Variants in PTPRT observed in about 807,000 individuals in gnomAD.
PTPRT encodes the protein protein tyrosine phosphatase receptor type T.
PTPRT carries 56 observed loss-of-function variants against 176.8 expected under a neutral mutation model. The observed-to-expected ratio is 0.32, with a 90% confidence interval of 0.26 to 0.40. The LOEUF is 0.40. PTPRT is among the 10% of genes least tolerant of loss of function. The probability of loss-of-function intolerance (pLI) is 1.00; values close to 1 mark genes in which losing one functional copy is unlikely to be tolerated. For synonymous variants in PTPRT, 783 were observed against 739.0 expected, an observed-to-expected ratio of 1.06 and a Z score of -0.96; for missense variants, 1,540 against 1,908.2, an observed-to-expected ratio of 0.81 and a Z score of 3.60.
chr20:42,308,578 A>C (rs2057580568), intron 12 of PTPRT, among the ~76,000 whole-genome samples: 1 of 152,208 alleles, frequency 6.6e-6, no homozygotes, highest in African/African-American at 2.4e-5. Context: ...CAAATAGTCC[A>C]ACTGTAATGC....
intron 1 of PTPRT, among the ~76,000 whole-genome samples, chr20:42,978,796 T>A (rs1983109507): frequency 6.6e-6 from 1 of 152,200 alleles, no homozygotes; most frequent in African/African-American, 2.4e-5. Context: ...ACGAATGCCA[T>A]GGCAACGTCA....
intron 13 of PTPRT, among the ~76,000 whole-genome samples, chr20:42,267,672 G>C (rs537343673): frequency 6.6e-6 from 1 of 152,216 alleles, no homozygotes; most frequent in African/African-American, 2.4e-5. Flanking sequence ...TTGTTGCTAA[G>C]CATCCTACAG....
chr20:42,608,286 C>G (rs1198061593), intron 7 of PTPRT, among the ~76,000 whole-genome samples: 1 of 152,182 alleles, frequency 6.6e-6, no homozygotes, highest in Non-Finnish European at 1.5e-5. Flanking sequence ...TGATGCCACT[C>G]TATAAAGAGG....
rs926971322 is a variant in PTPRT at position 42,530,695 on chromosome 20, G to C, written c.1154-58133C>G. On this transcript the variant is annotated intron_variant, in intron 7 of 30. Transcript: ENST00000373187. The stretch of plus-strand genomic sequence containing the variant: ...AGGCTTCTTTCTGATCCGGTGGTTT[G>C]TCCCACCATCATCACCCCAGGCTGT... Among the ~76,000 whole-genome samples, 41 of 152,162 alleles carry C rather than the reference G, an allele frequency of 2.7e-4. 1 individual carries two copies. The highest frequency in any genetic ancestry group is 9.7e-4 in the African/African-American group (40 of 41,416).
chr20:42,795,545 C>T (rs762594618), intron 2 of PTPRT, among the ~76,000 whole-genome samples: 9 of 152,158 alleles, frequency 5.9e-5, no homozygotes, highest in Admixed American at 3.3e-4. Flanking sequence ...TGAGTGTGCT[C>T]GGGCGACTGG....
At chr20:42,902,470 G>T (rs553469670) in intron 1 of PTPRT, among the ~76,000 whole-genome samples, 1 of 152,302 alleles carries the variant, frequency 6.6e-6, no homozygotes, top group African/African-American at 2.4e-5. Context: ...CCTTGGCCCA[G>T]TGAGGATCAG....
At chr20:42,518,113 T>C (rs2072102951) in intron 7 of PTPRT, among the ~76,000 whole-genome samples, 1 of 152,052 alleles carries the variant, frequency 6.6e-6, no homozygotes. Context: ...GTTAATACTG[T>C]CATACTCAGT....
intron 27 of PTPRT, among the ~76,000 whole-genome samples, chr20:42,092,383 G>A (rs1266408893): frequency 6.6e-6 from 1 of 152,212 alleles, no homozygotes; most frequent in Non-Finnish European, 1.5e-5. Flanking sequence ...GGGGAGTAGG[G>A]AACAGAGCAA....
At chr20:42,061,825 G>A in the PTPRT span, among the ~76,000 whole-genome samples, 1 of 152,218 alleles carries the variant, frequency 6.6e-6, no homozygotes, top group Non-Finnish European at 1.5e-5. Flanking sequence ...TTCCCCACCT[G>A]GAATTGCACG....
chr20:42,090,269 A>G (rs1356733119), intron 27 of PTPRT, among the ~76,000 whole-genome samples: 2 of 151,752 alleles, frequency 1.3e-5, no homozygotes, highest in Admixed American at 6.6e-5. Flanking sequence ...AGCTTTTATG[A>G]AAATTTCTCT....
intron 12 of PTPRT, among the ~76,000 whole-genome samples, chr20:42,305,741 C>T (rs190336681): frequency 3.3e-5 from 5 of 152,310 alleles, no homozygotes; most frequent in South Asian, 2.1e-4. Flanking sequence ...AAGGACACAT[C>T]TCATCCCTGT....
intron 1 of PTPRT, among the ~76,000 whole-genome samples, chr20:42,932,270 T>C (rs1979905639): frequency 6.6e-6 from 1 of 152,228 alleles, no homozygotes; most frequent in South Asian, 2.1e-4. Context: ...GATCCTGGAC[T>C]CAAGGAAGCT....
intron 4 of PTPRT, among the ~76,000 whole-genome samples, chr20:42,774,143 G>A (rs1052860585): frequency 2.0e-5 from 3 of 152,180 alleles, no homozygotes; most frequent in Non-Finnish European, 2.9e-5. Context: ...ATGAACGCAT[G>A]CACCTACAAG....
rs2079211364 is a variant in PTPRT at position 42,892,498 on chromosome 20, A to AG, written c.89-6567_89-6566insC. Among the ~76,000 whole-genome samples the AG allele has an allele frequency of 2.6e-5, 4 of 152,324 alleles. No individual in the cohort carries two copies. In the South Asian group the frequency reaches 8.3e-4, roughly 32 times the overall value. The stretch of plus-strand genomic sequence containing the variant: ...GCAGTGGAGCTAAGTAAAAAAAAAA[A>AG]AAAGAAAACTGGGCTAAACCTAAAA... On this transcript the variant is annotated intron_variant, in intron 1 of 30. Coordinates refer to ENST00000373187, the MANE Select transcript of PTPRT (RefSeq NM_007050.6).
chr20:43,093,405 C>T (rs116049410), intron 1 of PTPRT, among the ~76,000 whole-genome samples: 1,595 of 152,328 alleles, frequency 0.01, 24 homozygotes, highest in African/African-American at 0.034. Flanking sequence ...CTCCCTTCTT[C>T]CAAGTCTCCC....
chr20:42,816,992 A>C (rs2077798402), intron 2 of PTPRT, among the ~76,000 whole-genome samples: 1 of 152,220 alleles, frequency 6.6e-6, no homozygotes, highest in African/African-American at 2.4e-5. Context: ...TCCTCACCTT[A>C]CCCAGAAGAC....
intron 7 of PTPRT, among the ~76,000 whole-genome samples, chr20:42,604,414 A>G (rs6102930): frequency 0.27 from 41,701 of 151,830 alleles, 8,364 homozygotes; most frequent in African/African-American, 0.57. Flanking sequence ...GTTTATTTGG[A>G]TCCCCAGGAG....
intron 15 of PTPRT, among the ~76,000 whole-genome samples, chr20:42,206,086 C>T (rs973311395): frequency 7.9e-5 from 12 of 152,156 alleles, no homozygotes; most frequent in Non-Finnish European, 1.3e-4. Flanking sequence ...GCTCCACATT[C>T]CTCCATGCTT....
chr20:43,032,903 G>A (rs954030738), intron 1 of PTPRT, among the ~76,000 whole-genome samples: 2 of 152,186 alleles, frequency 1.3e-5, no homozygotes, highest in East Asian at 1.9e-4. Flanking sequence ...CATGATGTGC[G>A]ATACAGAATT....
Sources: gnomAD v4.1 joint callset for allele counts (sites outside exome capture counted in the v4.1 genomes callset) on GRCh38, gnomAD v4.1.1 for gene constraint, MANE v1.5 for transcripts, NCBI Gene and HGNC (gene_info 2026-07-23, HGNC 2026-07-21) for gene names.